The following HDX variants were observed in gnomAD, a reference collection of about 807,000 sequenced individuals.
The protein encoded by HDX is highly divergent homeobox, also known as chromosome X open reading frame 43.
In HDX, 19 loss-of-function variants were observed where a neutral mutation model predicts 45.2. The observed-to-expected ratio is 0.42, with a 90% CI of 0.29 to 0.62. HDX has a LOEUF of 0.62. HDX is among the 20% of genes least tolerant of loss of function. The pLI is 0.20. For missense variants in HDX, 532 were observed against 493.9 expected (o/e 1.08, Z -0.73); for synonymous variants, 188 against 172.8 (o/e 1.09, Z -0.69).
intron 4 of HDX, among the ~76,000 whole-genome samples, chrX:84,450,788 G>A (rs1024133506): frequency 1.8e-5 from 2 of 112,202 alleles, no homozygotes; most frequent in African/African-American, 6.5e-5. Context: ...CAGACCACGT[G>A]TTAGGACACA....
rs141531533 is a variant in HDX, at chrX:84,420,761, A to G, written c.1305+19771T>C. 2.8e-3 allele frequency among the ~76,000 whole-genome samples: 303 copies of G among 109,658 alleles called. 1 individual carries two copies. Among genetic ancestry groups the G allele is most frequent in the South Asian group, 5.3e-3 (14 of 2,626 alleles). On this transcript the variant is annotated intron_variant, in intron 5 of 10. Coordinates refer to ENST00000373177, the MANE Select transcript of HDX (RefSeq NM_001177479.2). ...GAGCGGCAAGAGAAGAGAAACAAAT[A>G]ACATACAATGGAGCTCCAATACATC...
At chrX:84,374,824 A>C (rs1245097878) in intron 5 of HDX, among the ~76,000 whole-genome samples, 2 of 101,001 alleles carry the variant, frequency 2.0e-5, no homozygotes, top group Non-Finnish European at 4.0e-5. Flanking sequence ...CATTCAGGAC[A>C]TAGGCATGGG....
At chrX:84,499,137 C>T (rs1005032510) in intron 1 of HDX, among the ~76,000 whole-genome samples, 1 of 111,758 alleles carries the variant, frequency 8.9e-6, no homozygotes, top group African/African-American at 3.2e-5. Flanking sequence ...CAATGCCTGG[C>T]ACTAAGTGCT....
intron 6 of HDX, among the ~76,000 whole-genome samples, chrX:84,351,048 T>TATC (rs1231058064): frequency 9.5e-6 from 1 of 104,757 alleles, no homozygotes; most frequent in Admixed American, 1.0e-4. Flanking sequence ...TCTATCTATC[T>TATC]ATCTATCATC....
intron 1 of HDX, among the ~76,000 whole-genome samples, chrX:84,494,185 C>A (rs969928915): frequency 9.0e-6 from 1 of 111,722 alleles, no homozygotes; most frequent in East Asian, 2.8e-4. Context: ...ATATATGGCA[C>A]TAATGACCAG....
chrX:84,479,487 G>A (rs753927440), intron 2 of HDX, among the ~76,000 whole-genome samples: 1 of 111,958 alleles, frequency 8.9e-6, no homozygotes, highest in East Asian at 2.8e-4. Context: ...TAAGTTCTTG[G>A]CTGTTATGAA....
chrX:84,355,565 T>C (rs893278323), intron 6 of HDX, among the ~76,000 whole-genome samples: 2 of 110,699 alleles, frequency 1.8e-5, no homozygotes, highest in Non-Finnish European at 3.8e-5. Flanking sequence ...TATAGGGACA[T>C]GGATGAAGCT....
At chrX:84,361,709 C>T (rs2037627073) in intron 5 of HDX, 97 bp from the exon 6 acceptor site, 8 of 555,329 alleles carry the variant, frequency 1.4e-5, no homozygotes, top group Admixed American at 4.9e-5. Context: ...AGATGTGCTA[C>T]GATACTAGCA....
intron 9 of HDX, among the ~76,000 whole-genome samples, chrX:84,327,782 A>G (rs2147759263): frequency 9.0e-6 from 1 of 111,621 alleles, no homozygotes; most frequent in South Asian, 3.7e-4. Flanking sequence ...TTTAAAAAAA[A>G]GAAAACTTTT....
At chrX:84,333,310 G>T (rs145238386) in intron 9 of HDX, among the ~76,000 whole-genome samples, 9,310 of 110,955 alleles carry the variant, frequency 0.084, 394 homozygotes, top group East Asian at 0.26. Flanking sequence ...TTCTGTATTT[G>T]CTTTGGAAAT....
intron 1 of HDX, among the ~76,000 whole-genome samples, chrX:84,488,938 C>T (rs762891249): frequency 9.5e-4 from 106 of 111,636 alleles, no homozygotes; most frequent in Admixed American, 2.5e-3. Context: ...TGTCTGTCAT[C>T]GTTTGTCATG....
intron 4 of HDX, 26 bp from the exon 5 acceptor site, chrX:84,440,611 A>G (rs1308923806): frequency 1.9e-6 from 2 of 1,042,124 alleles, no homozygotes; most frequent in Admixed American, 2.3e-5. Context: ...ATGGAATCTC[A>G]GTAAGCTATT....
At position 84,366,124 on chromosome X, in the gene HDX, C is replaced by A. The variant is rs1018997140; in HGVS notation, c.1306-4512G>T. Among the ~76,000 whole-genome samples the A allele has an allele frequency of 4.5e-5, 5 of 112,033 alleles. No homozygotes were observed. The East Asian group carries it at 1.4e-3, about 31-fold the overall frequency. Reference sequence around the variant, plus strand: ...AAAATCTCCTTAAGCTGATAAGCAACTTCAGCAAAGTCTCAGGATACAAAA... The same window carrying A: ...AAAATCTCCTTAAGCTGATAAGCAAATTCAGCAAAGTCTCAGGATACAAAA... On this transcript the variant is annotated intron_variant, in intron 5 of 10. Transcript: ENST00000373177.
intron 4 of HDX, among the ~76,000 whole-genome samples, chrX:84,460,932 G>C (rs772667164): frequency 5.5e-4 from 61 of 111,188 alleles, no homozygotes; most frequent in African/African-American, 1.9e-3. Context: ...ATTTACAATA[G>C]CTACAAAAAT....
chrX:84,481,264 G>A (rs2040674024), intron 2 of HDX, among the ~76,000 whole-genome samples: 1 of 111,352 alleles, frequency 9.0e-6, no homozygotes, highest in African/African-American at 3.3e-5. Flanking sequence ...AAAGATCACT[G>A]TTATTGAAGA....
chrX:84,366,185 A>G (rs2037748629), intron 5 of HDX, among the ~76,000 whole-genome samples: 1 of 111,777 alleles, frequency 8.9e-6, no homozygotes, highest in Non-Finnish European at 1.9e-5. Flanking sequence ...CCTATACACC[A>G]ATAATAGACA....
chrX:84,398,811 T>C (rs1036805654), intron 5 of HDX, among the ~76,000 whole-genome samples: 4 of 111,900 alleles, frequency 3.6e-5, no homozygotes, highest in Non-Finnish European at 5.6e-5. Flanking sequence ...GATCACGTAA[T>C]TGGAAGTAAA....
At chrX:84,365,840 A>T (rs1046519714) in intron 5 of HDX, among the ~76,000 whole-genome samples, 2 of 111,319 alleles carry the variant, frequency 1.8e-5, no homozygotes, top group African/African-American at 6.5e-5. Flanking sequence ...ATCTCAAAAT[A>T]ATAAGAGCTA....
intron 5 of HDX, among the ~76,000 whole-genome samples, chrX:84,375,519 A>T (rs1465708293): frequency 3.6e-5 from 4 of 112,296 alleles, no homozygotes; most frequent in Non-Finnish European, 3.8e-5. Flanking sequence ...GATAGACTGG[A>T]TTAAGAAAAT....
Sources: allele counts gnomAD v4.1 joint callset (sites outside exome capture counted in the v4.1 genomes callset), GRCh38; gene constraint gnomAD v4.1.1; transcripts MANE v1.5; gene names NCBI Gene and HGNC (gene_info 2026-07-23, HGNC 2026-07-21).